The following FOXP1 variants were observed in gnomAD, a reference collection of about 807,000 sequenced individuals.
FOXP1 encodes forkhead box P1.
Under a neutral mutation model 98.2 loss-of-function variants are expected in FOXP1, and 15 were observed. The ratio of observed to expected loss-of-function variants is 0.15; its 90% CI spans 0.10 to 0.24. FOXP1 has a LOEUF of 0.24. Ranked by LOEUF, FOXP1 falls within the 10% of genes least tolerant of loss-of-function variation. The pLI is 1.00. For synonymous variants in FOXP1, 371 were observed against 314.5 expected (o/e 1.18, Z -1.90); for missense variants, 633 against 848.5 (o/e 0.75, Z 3.15).
At chr3:71,345,582 C>A (rs1009084274) in intron 4 of FOXP1, among the ~76,000 whole-genome samples, 2 of 152,020 alleles carry the variant, frequency 1.3e-5, no homozygotes, top group African/African-American at 4.8e-5. Flanking sequence ...AAAATTACTT[C>A]TTTTTTCCTA....
chr3:71,120,916 T>TGGGTGCAC (rs1422540897), intron 6 of FOXP1, among the ~76,000 whole-genome samples: 1 of 152,232 alleles, frequency 6.6e-6, no homozygotes, highest in African/African-American at 2.4e-5. Context: ...TCTTTTACTT[T>TGGGTGCAC]AATGTTTAAC....
chr3:71,033,301 A>G (rs1266122392), intron 11 of FOXP1, among the ~76,000 whole-genome samples: 1 of 152,164 alleles, frequency 6.6e-6, no homozygotes, highest in Non-Finnish European at 1.5e-5. Context: ...TTGGGTGGGA[A>G]ATCTGGCACA....
At chr3:71,423,351 C>G (rs1310644613) in intron 3 of FOXP1, among the ~76,000 whole-genome samples, 1 of 152,194 alleles carries the variant, frequency 6.6e-6, no homozygotes, top group Non-Finnish European at 1.5e-5. Context: ...CTCCCAAGAC[C>G]AACCCAGCCA....
intron 5 of FOXP1, among the ~76,000 whole-genome samples, chr3:71,229,128 A>C (rs2066081211): frequency 6.6e-6 from 1 of 152,142 alleles, no homozygotes; most frequent in South Asian, 2.1e-4. Context: ...AGAATGGGAA[A>C]AATAAGCAAA....
chr3:71,476,348 T>C (rs2089841314), intron 3 of FOXP1, among the ~76,000 whole-genome samples: 1 of 151,990 alleles, frequency 6.6e-6, no homozygotes, highest in African/African-American at 2.4e-5. Context: ...ACCAAACTAG[T>C]CTGAGCCATA....
At chr3:71,235,369 A>G (rs1431326042) in intron 5 of FOXP1, among the ~76,000 whole-genome samples, 1 of 152,212 alleles carries the variant, frequency 6.6e-6, no homozygotes, top group Non-Finnish European at 1.5e-5. Context: ...GAAAAAAATT[A>G]AAGACTCTTT....
At chr3:71,451,291 G>T (rs539729791) in intron 3 of FOXP1, among the ~76,000 whole-genome samples, 5 of 152,200 alleles carry the variant, frequency 3.3e-5, no homozygotes, top group Non-Finnish European at 5.9e-5. Context: ...CTGTCTGCTA[G>T]ATCTAAAGAG....
intron 2 of FOXP1, among the ~76,000 whole-genome samples, chr3:71,527,355 T>G (rs1029984841): frequency 1.3e-5 from 2 of 152,210 alleles, no homozygotes; most frequent in Admixed American, 1.3e-4. Context: ...GAGCCCTGCC[T>G]TCCAGATGCT....
chr3:71,313,057 CTTTT>C (rs1227506558), intron 4 of FOXP1, among the ~76,000 whole-genome samples: 10 of 119,032 alleles, frequency 8.4e-5, no homozygotes, highest in Non-Finnish European at 1.0e-4. Flanking sequence ...AACTTTAATT[CTTTT>C]TTTTTTTTTT....
At chr3:71,135,024 C>T (rs1044398434) in intron 6 of FOXP1, among the ~76,000 whole-genome samples, 16 of 151,990 alleles carry the variant, frequency 1.1e-4, no homozygotes, top group African/African-American at 2.7e-4. Context: ...TTTGGGAGGC[C>T]GAGGTGGGCG....
At chr3:71,042,956 G>A (rs922968853) in intron 10 of FOXP1, among the ~76,000 whole-genome samples, 15 of 152,236 alleles carry the variant, frequency 9.9e-5, no homozygotes, top group East Asian at 3.9e-4. Context: ...CAGAGAATCC[G>A]AGTGGTTAAG....
chr3:71,187,932 T>C (rs779708259), intron 6 of FOXP1, among the ~76,000 whole-genome samples: 10 of 152,170 alleles, frequency 6.6e-5, no homozygotes, highest in Non-Finnish European at 1.2e-4. Context: ...TAAAAGGTTG[T>C]TGAGTTTGTA....
At chr3:71,084,998 T>C (rs1259789325) in intron 7 of FOXP1, among the ~76,000 whole-genome samples, 2 of 152,336 alleles carry the variant, frequency 1.3e-5, no homozygotes, top group African/African-American at 2.4e-5. Flanking sequence ...TGTTTAAATA[T>C]ATGGATTTGG....
chr3:71,071,797 C>T (rs2107436406), intron 7 of FOXP1, among the ~76,000 whole-genome samples: 1 of 152,262 alleles, frequency 6.6e-6, no homozygotes, highest in East Asian at 1.9e-4. Flanking sequence ...TGGTCTCAAA[C>T]TCCCGACACC....
chr3:70,959,885 C>A (rs779761697), intron 20 of FOXP1, among the ~76,000 whole-genome samples: 10 of 152,084 alleles, frequency 6.6e-5, no homozygotes, highest in Non-Finnish European at 1.5e-4. Context: ...GGTCCTAGAA[C>A]CACACTGAGT....
At chr3:71,129,645 G>T (rs2059444094) in intron 6 of FOXP1, among the ~76,000 whole-genome samples, 1 of 152,144 alleles carries the variant, frequency 6.6e-6, no homozygotes, top group Admixed American at 6.5e-5. Context: ...GGTCAGGGAA[G>T]GGGGGTGTGG....
At chr3:71,115,216 A>G (rs759517831) in intron 6 of FOXP1, among the ~76,000 whole-genome samples, 13 of 152,138 alleles carry the variant, frequency 8.5e-5, no homozygotes, top group Non-Finnish European at 1.6e-4. Context: ...AGGCTAAAAT[A>G]AAGCAAGCAA....
At chr3:71,348,629 T>C (rs1168114893) in intron 4 of FOXP1, among the ~76,000 whole-genome samples, 2 of 151,624 alleles carry the variant, frequency 1.3e-5, no homozygotes, top group African/African-American at 4.8e-5. Context: ...CATATGCATG[T>C]GTGTATAAGT....
chr3:71,396,112 T>C (rs906017638), intron 3 of FOXP1, among the ~76,000 whole-genome samples: 1 of 152,078 alleles, frequency 6.6e-6, no homozygotes, highest in African/African-American at 2.4e-5. Flanking sequence ...GGAGGAGGGA[T>C]AGGGCAGAGC....
Sources: gnomAD v4.1 joint callset for allele counts (sites outside exome capture counted in the v4.1 genomes callset) on GRCh38, gnomAD v4.1.1 for gene constraint, MANE v1.5 for transcripts, NCBI Gene and HGNC (gene_info 2026-07-23, HGNC 2026-07-21) for gene names.